The following DPP10 variants were observed in gnomAD, a reference collection of about 807,000 sequenced individuals.
DPP10 encodes inactive dipeptidyl peptidase 10.
Under a neutral mutation model 120.9 loss-of-function variants are expected in DPP10, and 33 were observed. The ratio of observed to expected loss-of-function variants is 0.27; its 90% CI spans 0.21 to 0.37. DPP10 has a LOEUF of 0.37. Ranked by LOEUF, DPP10 falls within the 10% of genes least tolerant of loss-of-function variation. DPP10 has a pLI of 1.00. For synonymous variants in DPP10, 337 were observed against 326.1 expected, an observed-to-expected ratio of 1.03 and a Z score of -0.36; for missense variants, 816 against 942.8, an observed-to-expected ratio of 0.87 and a Z score of 1.76.
chr2:114,998,114 T>G (rs1389410302), intron 1 of DPP10, among the ~76,000 whole-genome samples: 1 of 152,168 alleles, frequency 6.6e-6, no homozygotes, highest in Non-Finnish European at 1.5e-5. Context: ...CTTACACTTA[T>G]TTGCACATAA....
intron 1 of DPP10, among the ~76,000 whole-genome samples, chr2:115,150,760 T>C (rs867903017): frequency 2.0e-5 from 3 of 152,228 alleles, no homozygotes; most frequent in East Asian, 1.9e-4. Flanking sequence ...CTGGTCTAAA[T>C]TGGTATGTTC....
chr2:115,610,597 A>G (rs1436479055), intron 5 of DPP10, among the ~76,000 whole-genome samples: 1 of 152,164 alleles, frequency 6.6e-6, no homozygotes, highest in Non-Finnish European at 1.5e-5. Flanking sequence ...TACTTTTAAA[A>G]GAACTGTTTT....
chr2:115,227,723 C>T (rs2057507730), intron 1 of DPP10, among the ~76,000 whole-genome samples: 1 of 152,112 alleles, frequency 6.6e-6, no homozygotes, highest in African/African-American at 2.4e-5. Flanking sequence ...GAGATTCGTG[C>T]ATGCTGTGGT....
chr2:114,633,513 C>T (rs1695100695), intron 1 of DPP10, among the ~76,000 whole-genome samples: 3 of 151,672 alleles, frequency 2.0e-5, no homozygotes, highest in African/African-American at 7.3e-5. Context: ...CTTGGCCTCC[C>T]AAAGTGCTCG....
rs1203134249 is a variant in DPP10 at position 114,601,313 on chromosome 2, T to TTC, written c.60+158477_60+158478dup. ...CTAATGAACAACCTTTGCTTTCTGA[T>TTC]TCTAGACCAAAGATCTTCTCACATA... is the stretch of plus-strand genomic sequence containing the variant. On this transcript the variant is annotated intron_variant, in intron 1 of 25. Transcript: ENST00000410059. 1.1e-4 allele frequency among the ~76,000 whole-genome samples: 16 copies of TTC among 152,058 alleles called. No individual in the cohort carries two copies. In the East Asian group the frequency reaches 2.1e-3, roughly 20 times the overall value.
chr2:114,554,156 T>C (rs1688101961), intron 1 of DPP10, among the ~76,000 whole-genome samples: 1 of 152,192 alleles, frequency 6.6e-6, no homozygotes, highest in Admixed American at 6.5e-5. Flanking sequence ...CTATTTCTTT[T>C]CTCTCCATCC....
intron 4 of DPP10, among the ~76,000 whole-genome samples, chr2:115,509,367 A>G (rs1374398927): frequency 1.3e-5 from 2 of 152,178 alleles, no homozygotes; most frequent in Admixed American, 1.3e-4. Flanking sequence ...TGTATCAGGG[A>G]TAATTCTTGA....
chr2:114,824,374 A>G (rs1231308805), intron 1 of DPP10, among the ~76,000 whole-genome samples: 1 of 152,232 alleles, frequency 6.6e-6, no homozygotes, highest in Non-Finnish European at 1.5e-5. Context: ...AACTCATGAT[A>G]TTGATAGTCC....
intron 4 of DPP10, among the ~76,000 whole-genome samples, chr2:115,508,963 G>A (rs980153383): frequency 2.0e-5 from 3 of 152,138 alleles, no homozygotes; most frequent in Non-Finnish European, 4.4e-5. Flanking sequence ...GCAAGAATAT[G>A]GCTTGAGCAT....
At chr2:114,711,567 A>C (rs1428065612) in intron 1 of DPP10, among the ~76,000 whole-genome samples, 1 of 152,196 alleles carries the variant, frequency 6.6e-6, no homozygotes, top group African/African-American at 2.4e-5. Context: ...GCATTAAATG[A>C]GGCCATGTCT....
intron 3 of DPP10, among the ~76,000 whole-genome samples, chr2:115,415,881 A>ATATATG (rs2069378053): frequency 7.1e-6 from 1 of 140,848 alleles, no homozygotes; most frequent in African/African-American, 2.6e-5. Flanking sequence ...ATATATGCAC[A>ATATATG]CACACACATA....
At chr2:115,164,868 G>A (rs962363452) in intron 1 of DPP10, among the ~76,000 whole-genome samples, 2 of 152,340 alleles carry the variant, frequency 1.3e-5, no homozygotes, top group Non-Finnish European at 2.9e-5. Context: ...AGGAGGGACC[G>A]TGTAGGGACC....
intron 1 of DPP10, among the ~76,000 whole-genome samples, chr2:115,266,147 C>T (rs757071049): frequency 2.0e-5 from 3 of 151,888 alleles, no homozygotes; most frequent in African/African-American, 4.8e-5. Context: ...GTAATAGTTT[C>T]GAGGGATTAA....
At chr2:114,888,243 C>T (rs1692242439) in intron 1 of DPP10, among the ~76,000 whole-genome samples, 1 of 151,960 alleles carries the variant, frequency 6.6e-6, no homozygotes, top group African/African-American at 2.4e-5. Context: ...GTGGCATCCA[C>T]ATTCTCTTTT....
chr2:114,560,385 C>A (rs1421659144), intron 1 of DPP10, among the ~76,000 whole-genome samples: 5 of 152,100 alleles, frequency 3.3e-5, no homozygotes, highest in African/African-American at 1.2e-4. Context: ...TTCCTGAGGA[C>A]AGGTGTTTTA....
chr2:115,468,336 G>A (rs900032752), intron 3 of DPP10: 6 of 514,044 alleles, frequency 1.2e-5, no homozygotes, highest in Non-Finnish European at 2.3e-5. Context: ...TGCCACTGGA[G>A]CAACTCCAAT....
intron 1 of DPP10, among the ~76,000 whole-genome samples, chr2:114,842,450 A>G (rs923902925): frequency 6.6e-6 from 1 of 152,110 alleles, no homozygotes; most frequent in African/African-American, 2.4e-5. Flanking sequence ...CTAAGTCTAT[A>G]GGACGAGAAG....
At chr2:114,757,066 T>G (rs533075675) in intron 1 of DPP10, among the ~76,000 whole-genome samples, 2 of 119,874 alleles carry the variant, frequency 1.7e-5, no homozygotes, top group South Asian at 2.6e-4. Flanking sequence ...GAGAAAGAAA[T>G]GAAGAAAGGA....
chr2:115,740,142 A>AT, intron 9 of DPP10, among the ~76,000 whole-genome samples: 1 of 151,756 alleles, frequency 6.6e-6, no homozygotes, highest in South Asian at 2.1e-4. Context: ...GCTCACTTTT[A>AT]TTTTTTCACA....
Sources: gnomAD v4.1 joint callset for allele counts (sites outside exome capture counted in the v4.1 genomes callset) on GRCh38, gnomAD v4.1.1 for gene constraint, MANE v1.5 for transcripts, NCBI Gene and HGNC (gene_info 2026-07-23, HGNC 2026-07-21) for gene names.